Variants in SLC4A4 observed in about 807,000 individuals in gnomAD.
SLC4A4 encodes the protein electrogenic sodium bicarbonate cotransporter 1.
In SLC4A4, 27 loss-of-function variants were observed where a neutral mutation model predicts 111.5. The observed-to-expected ratio is 0.24, with a 90% CI of 0.18 to 0.33. SLC4A4 has a LOEUF of 0.33. Ranked by LOEUF, SLC4A4 falls within the 10% of genes least tolerant of loss-of-function variation. The pLI is 1.00. For synonymous variants in SLC4A4, 443 were observed against 463.4 expected, an observed-to-expected ratio of 0.96 and a Z score of 0.57; for missense variants, 909 against 1,315.5, an observed-to-expected ratio of 0.69 and a Z score of 4.78.
At chr4:71,446,802 T>C (rs1005611668) in intron 8 of SLC4A4, among the ~76,000 whole-genome samples, 4 of 152,236 alleles carry the variant, frequency 2.6e-5, no homozygotes, top group African/African-American at 9.6e-5. Flanking sequence ...TCACCTTTTG[T>C]AGATTTTTTT....
Position 71,255,406 on chromosome 4 carries a change from A to G in SLC4A4, c.253+7A>G. On this transcript the variant is annotated splice_region_variant and intron_variant, in intron 3 of 25. Transcript: ENST00000264485. ...AGCATCCTAAAACCTCTCAGTGAGT[A>G]CTCTCTGAGCGTTGGTGCCTCTCTC... The G allele has an allele frequency of 6.2e-7, 1 of 1,613,038 alleles. No individual in the cohort carries two copies.
intron 14 of SLC4A4, among the ~76,000 whole-genome samples, chr4:71,483,300 T>C (rs986637980): frequency 6.6e-6 from 1 of 151,734 alleles, no homozygotes; most frequent in African/African-American, 2.4e-5. Flanking sequence ...CATTAGTTGT[T>C]TTTCCTGATC....
At chr4:71,403,376 A>C (rs554444152) in intron 7 of SLC4A4, among the ~76,000 whole-genome samples, 1 of 152,346 alleles carries the variant, frequency 6.6e-6, no homozygotes, top group East Asian at 1.9e-4. Flanking sequence ...GAAACAGATA[A>C]ATCTTTTGAC....
chr4:71,388,160 T>A (rs1315724410), intron 6 of SLC4A4, among the ~76,000 whole-genome samples: 1 of 152,244 alleles, frequency 6.6e-6, no homozygotes, highest in East Asian at 1.9e-4. Flanking sequence ...TCTTTCTGCT[T>A]TTGTGAGATA....
chr4:71,366,263 T>G (rs1224228244), intron 6 of SLC4A4, among the ~76,000 whole-genome samples: 1 of 151,906 alleles, frequency 6.6e-6, no homozygotes, highest in Admixed American at 6.6e-5. Flanking sequence ...TGAATAAAAT[T>G]TATTTTCTTC....
intron 7 of SLC4A4, among the ~76,000 whole-genome samples, chr4:71,419,487 G>A (rs1722182127): frequency 6.6e-6 from 1 of 152,238 alleles, no homozygotes; most frequent in Non-Finnish European, 1.5e-5. Context: ...GTGGGCGTAG[G>A]ACCCTCCGAG....
chr4:71,289,687 G>A (rs1327401921), intron 3 of SLC4A4, among the ~76,000 whole-genome samples: 3 of 152,312 alleles, frequency 2.0e-5, no homozygotes, highest in East Asian at 3.9e-4. Flanking sequence ...TAACGAAGGA[G>A]GAGAGAAACA....
chr4:71,262,494 T>C (rs1214089883), intron 3 of SLC4A4, among the ~76,000 whole-genome samples: 1 of 152,214 alleles, frequency 6.6e-6, no homozygotes, highest in Non-Finnish European at 1.5e-5. Context: ...CTGGTTAATA[T>C]AGAATCAAGA....
chr4:71,125,028 A>G (rs11729714), intron 2 of SLC4A4, among the ~76,000 whole-genome samples: 150,139 of 152,356 alleles, frequency 0.99, 74,022 homozygotes, highest in East Asian at 1. Context: ...ATTAATGATT[A>G]GAGTTCAAGT....
At chr4:71,441,802 A>G (rs1724744275) in intron 8 of SLC4A4, among the ~76,000 whole-genome samples, 1 of 152,294 alleles carries the variant, frequency 6.6e-6, no homozygotes, top group African/African-American at 2.4e-5. Flanking sequence ...CCATTTTTAT[A>G]TTTCTTAGAC....
At chr4:71,503,231 A>G (rs2149161530) in intron 16 of SLC4A4, among the ~76,000 whole-genome samples, 1 of 148,060 alleles carries the variant, frequency 6.8e-6, no homozygotes, top group Admixed American at 6.7e-5. Context: ...TAGGCAAACT[A>G]TAGTTTGGTC....
rs115003444 is a variant in SLC4A4 at position 71,353,915 on chromosome 4, G to A, written c.551-3093G>A. ...GTGAGGGCCCTGCACCATGATGCGC[G>A]ACTGTTTAAGCAGGTGTTACTTCTC... On this transcript the variant is annotated intron_variant, in intron 5 of 25. Transcript: ENST00000264485. 5.8e-3 allele frequency among the ~76,000 whole-genome samples: 881 copies of A among 152,258 alleles called. 9 individuals are homozygous for A. The highest frequency in any genetic ancestry group is 0.052 in the South Asian group (249 of 4,820).
chr4:71,244,067 T>C (rs572526383), intron 2 of SLC4A4, among the ~76,000 whole-genome samples: 26 of 152,298 alleles, frequency 1.7e-4, no homozygotes, highest in African/African-American at 6.3e-4. Flanking sequence ...CAATTGATTA[T>C]TAAATTTTCA....
chr4:71,253,632 C>T (rs766451805), intron 2 of SLC4A4, among the ~76,000 whole-genome samples: 22 of 152,096 alleles, frequency 1.4e-4, no homozygotes, highest in Non-Finnish European at 2.8e-4. Flanking sequence ...GCACAGGAAA[C>T]AATTGACACT....
At chr4:71,477,870 C>T (rs1261368408) in intron 14 of SLC4A4, among the ~76,000 whole-genome samples, 8 of 151,870 alleles carry the variant, frequency 5.3e-5, no homozygotes, top group Admixed American at 4.6e-4. Flanking sequence ...ATCTGTCCAT[C>T]TGACAGAAGG....
chr4:71,308,101 T>C (rs1342571639), intron 3 of SLC4A4, among the ~76,000 whole-genome samples: 1 of 152,188 alleles, frequency 6.6e-6, no homozygotes, highest in East Asian at 1.9e-4. Flanking sequence ...TATACTCTTA[T>C]AGTCTTCTTT....
At chr4:71,465,072 A>G (rs905681840) in intron 12 of SLC4A4, among the ~76,000 whole-genome samples, 1 of 152,080 alleles carries the variant, frequency 6.6e-6, no homozygotes, top group Non-Finnish European at 1.5e-5. Context: ...GTCACAGGAA[A>G]TGACTGAGGG....
At chr4:71,287,893 A>G (rs181591062) in intron 3 of SLC4A4, among the ~76,000 whole-genome samples, 11 of 152,296 alleles carry the variant, frequency 7.2e-5, no homozygotes, top group Non-Finnish European at 1.0e-4. Flanking sequence ...ACTTGGCAGT[A>G]TCTTTTTTTT....
At chr4:71,486,703 AC>A (rs1729435906) in intron 14 of SLC4A4, among the ~76,000 whole-genome samples, 1 of 151,080 alleles carries the variant, frequency 6.6e-6, no homozygotes, top group South Asian at 2.1e-4. Context: ...AAATTTTAAT[AC>A]CGTCTCTTTA....
Sources: allele counts gnomAD v4.1 joint callset (sites outside exome capture counted in the v4.1 genomes callset), GRCh38; gene constraint gnomAD v4.1.1; transcripts MANE v1.5; gene names NCBI Gene and HGNC (gene_info 2026-07-23, HGNC 2026-07-21).